GRIK1: variants seen among roughly 807,000 people sequenced by gnomAD.
GRIK1 encodes glutamate ionotropic receptor kainate type subunit 1, also known as glutamate receptor ionotropic, kainate 1.
In GRIK1, 69 loss-of-function variants were observed where a neutral mutation model predicts 105.7. The ratio of observed to expected loss-of-function variants is 0.65; its 90% CI spans 0.54 to 0.80. The LOEUF is 0.80. Ranked by LOEUF, GRIK1 falls within the 30% of genes least tolerant of loss-of-function variation. The probability of loss-of-function intolerance (pLI) is 0.00; values close to 1 mark genes in which losing one functional copy is unlikely to be tolerated. For missense variants in GRIK1, 1,109 were observed against 1,167.3 expected, an observed-to-expected ratio of 0.95 and a Z score of 0.73; for synonymous variants, 438 against 431.3, an observed-to-expected ratio of 1.02 and a Z score of -0.19.
Position 29,537,216 on chromosome 21 carries a change from G to A in GRIK1, c.*14C>T, listed in dbSNP as rs767270473. The A allele has an allele frequency of 6.4e-7, 1 of 1,567,864 alleles. No individual in the cohort carries two copies. Among genetic ancestry groups the A allele is most frequent in the Non-Finnish European group, 8.6e-7 (1 of 1,161,814 alleles). The stretch of plus-strand genomic sequence containing the variant: ...GGAATGCATCCTTTTTCTTCCTACA[G>A]GCGTTTCCTTGGATCACGCCACAGT... On this transcript the variant is annotated 3_prime_UTR_variant, in exon 18 of 18. Coordinates refer to ENST00000327783, the MANE Select transcript of GRIK1 (RefSeq NM_001330994.2).
intron 1 of GRIK1, among the ~76,000 whole-genome samples, chr21:29,858,940 T>A (rs1173490893): frequency 6.8e-6 from 1 of 146,662 alleles, no homozygotes; most frequent in Non-Finnish European, 1.5e-5. Flanking sequence ...TGATACAACA[T>A]AAATTCTACA....
At chr21:29,660,465 T>A (rs1174267742) in intron 4 of GRIK1, among the ~76,000 whole-genome samples, 1 of 152,200 alleles carries the variant, frequency 6.6e-6, no homozygotes, top group African/African-American at 2.4e-5. Context: ...TATTTCAGTC[T>A]GATCATTTCC....
chr21:29,635,485 G>T (rs1362815404), intron 7 of GRIK1, among the ~76,000 whole-genome samples: 1 of 152,162 alleles, frequency 6.6e-6, no homozygotes, highest in South Asian at 2.1e-4. Flanking sequence ...CTTCCAGGGG[G>T]TCACTCAAGA....
At chr21:29,561,364 AAAT>A (rs1044684202) in intron 15 of GRIK1, among the ~76,000 whole-genome samples, 3 of 152,216 alleles carry the variant, frequency 2.0e-5, no homozygotes, top group Non-Finnish European at 2.9e-5. Context: ...ATTTGGGGTG[AAAT>A]AATAAAATCT....
chr21:29,601,398 A>G (rs1171213081), intron 7 of GRIK1, among the ~76,000 whole-genome samples: 3 of 152,122 alleles, frequency 2.0e-5, no homozygotes, highest in Admixed American at 1.3e-4. Flanking sequence ...TGGTGTGCCA[A>G]TTTCTCATAG....
intron 7 of GRIK1, among the ~76,000 whole-genome samples, chr21:29,641,163 G>T (rs1177901708): frequency 1.3e-5 from 2 of 152,178 alleles, no homozygotes; most frequent in African/African-American, 2.4e-5. Context: ...GACAAGAAGT[G>T]TAAGTAACTT....
chr21:29,676,612 A>T (rs1249489457), intron 3 of GRIK1, among the ~76,000 whole-genome samples: 1 of 152,140 alleles, frequency 6.6e-6, no homozygotes, highest in Non-Finnish European at 1.5e-5. Flanking sequence ...GAGTGACCCA[A>T]CCCTGCCAGA....
intron 1 of GRIK1, among the ~76,000 whole-genome samples, chr21:29,823,301 A>G (rs1486185193): frequency 1.3e-5 from 2 of 151,960 alleles, no homozygotes; most frequent in Non-Finnish European, 2.9e-5. Context: ...TGATGTATTA[A>G]CTTTAGTTAC....
At chr21:29,589,608 G>GTA (rs1414675545) in intron 10 of GRIK1, among the ~76,000 whole-genome samples, 1 of 150,514 alleles carries the variant, frequency 6.6e-6, no homozygotes, top group Non-Finnish European at 1.5e-5. Flanking sequence ...TTTTTTTTTA[G>GTA]TAGAGACGGG....
chr21:29,722,887 G>A (rs766661631), intron 1 of GRIK1, among the ~76,000 whole-genome samples: 28 of 152,148 alleles, frequency 1.8e-4, no homozygotes, highest in Admixed American at 3.3e-4. Context: ...AAAAAGTTTA[G>A]AAATATATTG....
chr21:29,756,011 C>A (rs1293925552), intron 1 of GRIK1, among the ~76,000 whole-genome samples: 1 of 152,034 alleles, frequency 6.6e-6, no homozygotes, highest in African/African-American at 2.4e-5. Context: ...TTAAAGAATG[C>A]AAAAAACATT....
intron 1 of GRIK1, among the ~76,000 whole-genome samples, chr21:29,930,315 C>T (rs1288751201): frequency 6.6e-6 from 1 of 152,122 alleles, no homozygotes; most frequent in Non-Finnish European, 1.5e-5. Context: ...CAGAATGCAA[C>T]ATCTGTTTAC....
chr21:29,929,498 T>C (rs2071494940), intron 1 of GRIK1, among the ~76,000 whole-genome samples: 1 of 152,254 alleles, frequency 6.6e-6, no homozygotes, highest in African/African-American at 2.4e-5. Context: ...AAATTCCCAA[T>C]CCAAAGTATG....
chr21:29,732,424 A>G (rs2064657072), intron 1 of GRIK1, among the ~76,000 whole-genome samples: 1 of 152,198 alleles, frequency 6.6e-6, no homozygotes, highest in African/African-American at 2.4e-5. Context: ...GGGGCTAACA[A>G]TAATAGCTAA....
chr21:29,560,518 T>TTCCTTTCTCTC, intron 15 of GRIK1, among the ~76,000 whole-genome samples: 3 of 59,690 alleles, frequency 5.0e-5, no homozygotes, highest in Admixed American at 2.3e-4. Context: ...CTTCCTTCCT[T>TTCCTTTCTCTC]CCTTTCTTTC....
chr21:29,606,337 T>A (rs1228396802), intron 7 of GRIK1, among the ~76,000 whole-genome samples: 1 of 152,186 alleles, frequency 6.6e-6, no homozygotes, highest in East Asian at 1.9e-4. Context: ...GCCGGTTTTT[T>A]ACACAGGTAA....
At chr21:29,562,638 A>C (rs912629816) in intron 14 of GRIK1, among the ~76,000 whole-genome samples, 1 of 151,978 alleles carries the variant, frequency 6.6e-6, no homozygotes, top group African/African-American at 2.4e-5. Context: ...TTGGGCAAAA[A>C]CAGCGAGACT....
intron 14 of GRIK1, among the ~76,000 whole-genome samples, chr21:29,572,684 C>T (rs77601950): frequency 0.025 from 3,767 of 152,220 alleles, 155 homozygotes; most frequent in African/African-American, 0.084. Context: ...AGCTTTGTAA[C>T]TTTGGGGTAA....
chr21:29,638,359 C>A (rs2062440615), intron 7 of GRIK1, among the ~76,000 whole-genome samples: 2 of 152,046 alleles, frequency 1.3e-5, no homozygotes, highest in Admixed American at 1.3e-4. Context: ...ATCACAAGAA[C>A]AGCATGGGGG....
Sources: allele counts gnomAD v4.1 joint callset (sites outside exome capture counted in the v4.1 genomes callset), GRCh38; gene constraint gnomAD v4.1.1; transcripts MANE v1.5; gene names NCBI Gene and HGNC (gene_info 2026-07-23, HGNC 2026-07-21).